PRDM5: variants seen among roughly 807,000 people sequenced by gnomAD.
The protein encoded by PRDM5 is PR domain zinc finger protein 5.
A neutral mutation model predicts 81.2 loss-of-function variants in PRDM5; 56 were observed. That is an observed-to-expected ratio of 0.69 (90% CI 0.56 to 0.86). The LOEUF (loss-of-function observed/expected upper bound fraction) is 0.86, where lower values mean the gene tolerates loss of function less well. PRDM5 is among the 40% of genes least tolerant of loss of function. PRDM5 has a pLI of 0.00. For synonymous variants in PRDM5, 267 were observed against 256.4 expected (o/e 1.04, Z -0.39); for missense variants, 697 against 770.1 (o/e 0.91, Z 1.12).
At chr4:120,884,002 T>C (rs1318879888) in intron 2 of PRDM5, among the ~76,000 whole-genome samples, 2 of 152,168 alleles carry the variant, frequency 1.3e-5, no homozygotes, top group Admixed American at 6.5e-5. Flanking sequence ...GGTGTATAAA[T>C]CTTAATAAAA....
chr4:120,922,399 G>T, intron 1 of PRDM5, 117 bp downstream of exon 1: 1 of 1,151,680 alleles, frequency 8.7e-7, no homozygotes, highest in South Asian at 4.3e-5. Context: ...GGCCCGGCCC[G>T]GGCGAGGGGC....
intron 14 of PRDM5, among the ~76,000 whole-genome samples, chr4:120,726,417 T>G (rs1353340463): frequency 2.6e-5 from 4 of 152,184 alleles, no homozygotes; most frequent in African/African-American, 9.7e-5. Context: ...TGTAATTCTT[T>G]ACATTGGTTA....
intron 14 of PRDM5, among the ~76,000 whole-genome samples, chr4:120,721,548 C>T (rs1738608072): frequency 6.6e-6 from 1 of 152,180 alleles, no homozygotes; most frequent in Non-Finnish European, 1.5e-5. Context: ...CTCTACCACC[C>T]CGACACTGCT....
chr4:120,754,360 AAT>A (rs1744415966), intron 14 of PRDM5, among the ~76,000 whole-genome samples, 191 bp downstream of exon 14: 1 of 152,096 alleles, frequency 6.6e-6, no homozygotes, highest in African/African-American at 2.4e-5. Flanking sequence ...TTGAGGTTTC[AAT>A]TTGTGTTTTT....
At chr4:120,705,550 A>C (rs746314820) in intron 15 of PRDM5, among the ~76,000 whole-genome samples, 1 of 152,084 alleles carries the variant, frequency 6.6e-6, no homozygotes, top group Non-Finnish European at 1.5e-5. Flanking sequence ...AAAAAGACTA[A>C]AGAGGCCATG....
At chr4:120,759,241 A>C (rs1178849889) in intron 13 of PRDM5, among the ~76,000 whole-genome samples, 8 of 152,228 alleles carry the variant, frequency 5.3e-5, no homozygotes, top group Non-Finnish European at 1.2e-4. Context: ...CCATTCCTTC[A>C]TTCTATCCTA....
At chr4:120,710,114 T>C (rs758713476) in intron 15 of PRDM5, among the ~76,000 whole-genome samples, 195 bp downstream of exon 15, 1 of 152,022 alleles carries the variant, frequency 6.6e-6, no homozygotes, top group African/African-American at 2.4e-5. Context: ...ACCAGATGAA[T>C]AAAATGATTA....
intron 13 of PRDM5, among the ~76,000 whole-genome samples, chr4:120,770,217 C>T (rs753784059): frequency 5.3e-5 from 8 of 151,956 alleles, no homozygotes; most frequent in Non-Finnish European, 7.4e-5. Context: ...TTAGTAGAGA[C>T]GGGGTTTCGC....
intron 2 of PRDM5, among the ~76,000 whole-genome samples, chr4:120,884,835 A>G (rs3114955): frequency 0.25 from 38,620 of 151,932 alleles, 5,685 homozygotes; most frequent in African/African-American, 0.39. Context: ...GAATAAAAGC[A>G]ATCTCTTTCA....
chr4:120,759,659 T>C (rs1044351471), intron 13 of PRDM5, among the ~76,000 whole-genome samples: 2 of 152,254 alleles, frequency 1.3e-5, no homozygotes, highest in East Asian at 3.8e-4. Context: ...CAAAAACTTA[T>C]CTTCAGTTTT....
intron 8 of PRDM5, among the ~76,000 whole-genome samples, chr4:120,810,954 A>G (rs193200105): frequency 2.6e-5 from 4 of 152,306 alleles, no homozygotes; most frequent in African/African-American, 7.2e-5. Context: ...TAATACATCT[A>G]TATATAAACA....
chr4:120,906,536 C>T (rs1408325592), intron 2 of PRDM5, among the ~76,000 whole-genome samples: 1 of 152,168 alleles, frequency 6.6e-6, no homozygotes, highest in Non-Finnish European at 1.5e-5. Flanking sequence ...ATTTTTGTTT[C>T]AACAGTCTAC....
At chr4:120,689,714 CTCCTGCT>C (rs1361786946), downstream of PRDM5, among the ~76,000 whole-genome samples, 10 of 152,012 alleles carry the variant, frequency 6.6e-5, no homozygotes, top group African/African-American at 2.4e-4. Context: ...TCAAGCAATC[CTCCTGCT>C]TCAGCTGAGT....
intron 2 of PRDM5, among the ~76,000 whole-genome samples, chr4:120,882,454 T>G (rs866430753): frequency 5.9e-5 from 9 of 152,206 alleles, no homozygotes; most frequent in Non-Finnish European, 1.5e-5. Context: ...GGCCACCTTC[T>G]TCCATCTTCA....
chr4:120,919,538 A>C (rs886815328), intron 1 of PRDM5, among the ~76,000 whole-genome samples: 2 of 152,212 alleles, frequency 1.3e-5, no homozygotes, highest in South Asian at 2.1e-4. Context: ...ATATCAAAAA[A>C]CACCACCCAC....
intron 15 of PRDM5, among the ~76,000 whole-genome samples, chr4:120,706,730 TTA>T (rs1274900138): frequency 2.8e-5 from 4 of 142,040 alleles, no homozygotes; most frequent in African/African-American, 1.0e-4. Context: ...TATATATAAA[TTA>T]TATATATATG....
At chr4:120,855,214 G>A (rs1759736628) in intron 2 of PRDM5, among the ~76,000 whole-genome samples, 1 of 152,150 alleles carries the variant, frequency 6.6e-6, no homozygotes, top group South Asian at 2.1e-4. Flanking sequence ...ATACTGCCAT[G>A]TTTCTCAAAC....
intron 2 of PRDM5, among the ~76,000 whole-genome samples, 189 bp downstream of exon 2, chr4:120,907,285 G>T (rs1392466333): frequency 6.9e-6 from 1 of 144,366 alleles, no homozygotes; most frequent in Non-Finnish European, 1.5e-5. Context: ...AGTGAGCCAA[G>T]ATCGCACCAT....
At chr4:120,819,515 TATA>T (rs1279002120) in intron 4 of PRDM5, among the ~76,000 whole-genome samples, 2 of 151,862 alleles carry the variant, frequency 1.3e-5, no homozygotes, top group Non-Finnish European at 2.9e-5. Flanking sequence ...AAACTTAAAG[TATA>T]ATAATAATAA....
Sources: gnomAD v4.1 joint callset for allele counts (sites outside exome capture counted in the v4.1 genomes callset) on GRCh38, gnomAD v4.1.1 for gene constraint, MANE v1.5 for transcripts, NCBI Gene and HGNC (gene_info 2026-07-23, HGNC 2026-07-21) for gene names.